Variants in PAX2 observed in about 807,000 individuals in gnomAD.
PAX2 encodes paired box 2.
In PAX2, 9 loss-of-function variants were observed where a neutral mutation model predicts 41.7. The ratio of observed to expected loss-of-function variants is 0.22; its 90% CI spans 0.13 to 0.38. The LOEUF is 0.38. PAX2 is among the 10% of genes least tolerant of loss of function. The probability of loss-of-function intolerance (pLI) is 1.00; values close to 1 mark genes in which losing one functional copy is unlikely to be tolerated. For missense variants in PAX2, 418 were observed against 531.6 expected, an observed-to-expected ratio of 0.79 and a Z score of 2.10; for synonymous variants, 221 against 212.7, an observed-to-expected ratio of 1.04 and a Z score of -0.34.
rs894300510 is a variant in PAX2 at position 100,824,898 on chromosome 10, T to C, written c.1021+149T>C. 3 of 1,613,132 alleles carry C rather than the reference T, an allele frequency of 1.9e-6. No homozygotes were observed. The highest frequency in any genetic ancestry group is 2.5e-6 in the Non-Finnish European group (3 of 1,179,202). ...ACTGCTATTCTGTCCCTCTCTCTCCTTAGAGGCTGCAGTTGGTCCCTCATC... is the reference window on the plus strand; with the variant it reads ...ACTGCTATTCTGTCCCTCTCTCTCCCTAGAGGCTGCAGTTGGTCCCTCATC... On this transcript the variant is annotated intron_variant, in intron 8 of 9. Coordinates refer to ENST00000355243, the MANE Select transcript of PAX2 (RefSeq NM_000278.5). The surrounding 1 kb of genome is among the most constrained non-coding windows in gnomAD (Gnocchi z 6.6).
At chr10:100,808,634 TG>T (rs1172190195) in intron 6 of PAX2, among the ~76,000 whole-genome samples, 1 of 151,908 alleles carries the variant, frequency 6.6e-6, no homozygotes, top group East Asian at 1.9e-4. Context: ...GAGGGGCCCA[TG>T]GGGCTGTCAT....
chr10:100,765,603 G>A (rs1310234399), intron 3 of PAX2, among the ~76,000 whole-genome samples: 4 of 152,112 alleles, frequency 2.6e-5, no homozygotes, highest in East Asian at 1.9e-4. Context: ...CTTGTAGTAC[G>A]AAACAAGTCA....
At chr10:100,820,348 A>C (rs1025747333) in intron 7 of PAX2, among the ~76,000 whole-genome samples, 1 of 152,230 alleles carries the variant, frequency 6.6e-6, no homozygotes, top group Non-Finnish European at 1.5e-5. Context: ...ACTGTGATGC[A>C]TCTTTGTGCC....
chr10:100,770,589 G>A (rs1846176358), intron 3 of PAX2, among the ~76,000 whole-genome samples: 1 of 152,244 alleles, frequency 6.6e-6, no homozygotes, highest in Non-Finnish European at 1.5e-5. Flanking sequence ...CAGCCCCATG[G>A]CCCATCTAGC....
intron 7 of PAX2, among the ~76,000 whole-genome samples, chr10:100,812,440 A>G (rs549092744): frequency 1.3e-5 from 2 of 152,190 alleles, no homozygotes; most frequent in Non-Finnish European, 2.9e-5. Flanking sequence ...GGTCACGGGC[A>G]TTCTGGCCCC....
chr10:100,742,769 G>C (rs1038960753), upstream of PAX2, among the ~76,000 whole-genome samples: 1 of 151,114 alleles, frequency 6.6e-6, no homozygotes, highest in Non-Finnish European at 1.5e-5. Flanking sequence ...CTGACAGGTC[G>C]GAGCCCGGGT....
chr10:100,781,176 G>T, intron 4 of PAX2, 70 bp from the exon 5 acceptor site: 1 of 1,531,140 alleles, frequency 6.5e-7, no homozygotes, highest in South Asian at 1.1e-5. Flanking sequence ...CCCCAGCCTT[G>T]GGGCTTTGGC....
chr10:100,774,979 G>C (rs560402035), intron 3 of PAX2, among the ~76,000 whole-genome samples: 1 of 152,262 alleles, frequency 6.6e-6, no homozygotes, highest in African/African-American at 2.4e-5. Flanking sequence ...GCTCTCATCG[G>C]AAATGGTGGA....
upstream of PAX2, among the ~76,000 whole-genome samples, chr10:100,743,035 T>G (rs1845025972): frequency 6.6e-6 from 1 of 151,836 alleles, no homozygotes; most frequent in Non-Finnish European, 1.5e-5. Context: ...AAGGGGTTCC[T>G]AATCTCCAGG....
chr10:100,737,183 G>A (rs1046319735), intron 1 of PAX2, among the ~76,000 whole-genome samples: 2 of 152,194 alleles, frequency 1.3e-5, no homozygotes, highest in Non-Finnish European at 2.9e-5. Context: ...GCAGGCCTGA[G>A]GTTTGTGAAC....
intron 4 of PAX2, among the ~76,000 whole-genome samples, chr10:100,781,040 G>T (rs1016902050): frequency 6.6e-5 from 10 of 152,156 alleles, no homozygotes; most frequent in African/African-American, 2.4e-4. Flanking sequence ...CTCAGGGCTG[G>T]ACAGAAGTGA....
chr10:100,827,953 C>T lies in PAX2; in HGVS notation c.*334C>T, dbSNP rs1589912450. 1 of 320,822 alleles carries T rather than the reference C, an allele frequency of 3.1e-6. No homozygotes were observed. The highest frequency in any genetic ancestry group is 5.6e-6 in the Non-Finnish European group (1 of 177,808). 19.9% of individuals were successfully genotyped at this position (320,822 alleles called of 1,614,324 possible). A position where few individuals can be genotyped will look rare whatever the true frequency, so the allele number is the denominator to read the frequency against. ...CCTCCACCAAGCCAGCCCCGAAGCC[C>T]GCCAGCCACCCTGCCGGACTCGGGC... On this transcript the variant is annotated 3_prime_UTR_variant, in exon 10 of 10. Coordinates refer to ENST00000355243, the MANE Select transcript of PAX2 (RefSeq NM_000278.5). The surrounding 1 kb of genome is among the most constrained non-coding windows in gnomAD (Gnocchi z 8.5).
In PAX2 at chr10:100,809,096, C is replaced by G. The variant is rs770486893; in HGVS notation, c.793-14C>G. The G allele has an allele frequency of 1.2e-6, 2 of 1,612,822 alleles. No individual in the cohort carries two copies. The highest frequency in any genetic ancestry group is 1.1e-5 in the South Asian group (1 of 91,026). ...GCATCAATAGAGAGCTGTCACTTTT[C>G]TCTCTCCTCCCAGGGGAACGAGTAC... On this transcript the variant is annotated splice_polypyrimidine_tract_variant and intron_variant, in intron 6 of 9. Coordinates refer to ENST00000355243, the MANE Select transcript of PAX2 (RefSeq NM_000278.5).
At chr10:100,740,934 G>A (rs978212658), upstream of PAX2, among the ~76,000 whole-genome samples, 1 of 152,236 alleles carries the variant, frequency 6.6e-6, no homozygotes, top group Non-Finnish European at 1.5e-5. Flanking sequence ...GTTTCTCCCA[G>A]CTTCGCTATT....
At chr10:100,760,350 TGTTA>T (rs1465824148) in intron 3 of PAX2, among the ~76,000 whole-genome samples, 1 of 152,182 alleles carries the variant, frequency 6.6e-6, no homozygotes, top group African/African-American at 2.4e-5. Flanking sequence ...CTGTTTGGGA[TGTTA>T]GTTAATGTTC....
At chr10:100,745,098 G>C (rs1348429200), upstream of PAX2, among the ~76,000 whole-genome samples, 1 of 152,096 alleles carries the variant, frequency 6.6e-6, no homozygotes, top group Non-Finnish European at 1.5e-5. Flanking sequence ...GGGCCGCGCG[G>C]CCCAGGCGGG....
At chr10:100,765,852 G>A (rs1400062320) in intron 3 of PAX2, among the ~76,000 whole-genome samples, 1 of 152,156 alleles carries the variant, frequency 6.6e-6, no homozygotes, top group Non-Finnish European at 1.5e-5. Flanking sequence ...GCACACATGT[G>A]TACATGTTTA....
At position 100,826,912 on chromosome 10, in the gene PAX2, C is replaced by A. The variant is rs921647041; in HGVS notation, c.1022-97C>A. On this transcript the variant is annotated intron_variant, in intron 8 of 9. Coordinates refer to ENST00000355243, the MANE Select transcript of PAX2 (RefSeq NM_000278.5). This position sits in a 1 kb window ranked among gnomAD's most constrained non-coding sequence, Gnocchi z 5.5. ...CTGCCCGCGACACCTGCGCCTGAGA[C>A]CCGGCGGGAGGAGCGGGCGGAGAAG... 58 of 842,230 alleles carry A rather than the reference C, an allele frequency of 6.9e-5. No individual in the cohort carries two copies. Among genetic ancestry groups the A allele is most frequent in the Non-Finnish European group, 9.9e-5 (49 of 494,778 alleles). The allele number at this position is 842,230 out of a possible 1,614,324, so 52.2% of individuals were successfully genotyped here.
intron 3 of PAX2, among the ~76,000 whole-genome samples, chr10:100,756,884 C>T (rs929459520): frequency 6.6e-6 from 1 of 152,184 alleles, no homozygotes; most frequent in Non-Finnish European, 1.5e-5. Context: ...TGCAGCTCCC[C>T]AGCCATGCAG....
Sources: allele counts gnomAD v4.1 joint callset (sites outside exome capture counted in the v4.1 genomes callset), GRCh38; gene constraint gnomAD v4.1.1; non-coding constraint Gnocchi (gnomAD v3.1); transcripts MANE v1.5; gene names NCBI Gene and HGNC (gene_info 2026-07-23, HGNC 2026-07-21).